The following FAM184A variants were observed in gnomAD, a reference collection of about 807,000 sequenced individuals.
The protein encoded by FAM184A is protein FAM184A.
In FAM184A, 99 loss-of-function variants were observed where a neutral mutation model predicts 143.8. That is an observed-to-expected ratio of 0.69 (90% CI 0.58 to 0.81). FAM184A has a LOEUF of 0.81. Ranked by LOEUF, FAM184A falls within the 40% of genes least tolerant of loss-of-function variation. FAM184A has a pLI of 0.00. For missense variants in FAM184A, 1,217 were observed against 1,310.5 expected, an observed-to-expected ratio of 0.93 and a Z score of 1.10; for synonymous variants, 427 against 446.4, an observed-to-expected ratio of 0.96 and a Z score of 0.55.
chr6:119,000,214 G>C (rs954494528), intron 9 of FAM184A, among the ~76,000 whole-genome samples: 1 of 152,200 alleles, frequency 6.6e-6, no homozygotes, highest in Non-Finnish European at 1.5e-5. Flanking sequence ...AGGAACAAGT[G>C]ATGGCATTTT....
intron 14 of FAM184A, among the ~76,000 whole-genome samples, chr6:118,968,845 C>T (rs995577773): frequency 6.6e-6 from 1 of 151,880 alleles, no homozygotes; most frequent in African/African-American, 2.4e-5. Flanking sequence ...TAATAAAGGT[C>T]TATCCCTGAA....
At chr6:119,130,949 C>T (rs751207392) in intron 1 of FAM184A, among the ~76,000 whole-genome samples, 2 of 151,106 alleles carry the variant, frequency 1.3e-5, no homozygotes, top group African/African-American at 2.4e-5. Context: ...CTCTGCCTCC[C>T]GGGTTCAAAC....
In FAM184A at chr6:119,035,396, G is replaced by A. The variant is rs148066171; in HGVS notation, c.160-10583C>T. Among the ~76,000 whole-genome samples, 782 of 152,280 alleles carry A rather than the reference G, an allele frequency of 5.1e-3. 6 individuals are homozygous for A. The highest frequency in any genetic ancestry group is 0.018 in the African/African-American group (755 of 41,538). On this transcript the variant is annotated intron_variant, in intron 1 of 17. Coordinates refer to ENST00000338891, the MANE Select transcript of FAM184A (RefSeq NM_024581.6). ...TTAAGACTGATGAACCAGACTTTTTGTAGCAATAAGACACCAAATTCCAGC... is the reference window on the plus strand; with the variant it reads ...TTAAGACTGATGAACCAGACTTTTTATAGCAATAAGACACCAAATTCCAGC...
chr6:118,995,942 T>C (rs1784530705), intron 9 of FAM184A, among the ~76,000 whole-genome samples: 1 of 152,216 alleles, frequency 6.6e-6, no homozygotes, highest in South Asian at 2.1e-4. Context: ...GTTACTACAG[T>C]ACTTCATAGA....
chr6:119,009,767 T>C (rs1785034555), intron 6 of FAM184A, among the ~76,000 whole-genome samples: 1 of 152,224 alleles, frequency 6.6e-6, no homozygotes, highest in African/African-American at 2.4e-5. Context: ...TGTGTCTGTC[T>C]GTCCATAGTA....
intron 1 of FAM184A, among the ~76,000 whole-genome samples, chr6:119,137,789 A>G (rs1305741882): frequency 6.6e-6 from 1 of 152,222 alleles, no homozygotes; most frequent in Non-Finnish European, 1.5e-5. Context: ...CCTCAGAGCC[A>G]AGGCCCTGTC....
intron 1 of FAM184A, among the ~76,000 whole-genome samples, chr6:119,122,439 G>A (rs1789241970): frequency 2.6e-5 from 4 of 152,128 alleles, no homozygotes; most frequent in African/African-American, 7.2e-5. Flanking sequence ...CTGACAGTCT[G>A]GGAAGCATAG....
intron 1 of FAM184A, among the ~76,000 whole-genome samples, chr6:119,128,839 G>T (rs1457037726): frequency 7.2e-5 from 11 of 152,004 alleles, no homozygotes; most frequent in Non-Finnish European, 5.9e-5. Flanking sequence ...GTGGATGGGG[G>T]AGGGGCCCTG....
At chr6:119,011,770 G>A (rs933067514) in intron 5 of FAM184A, among the ~76,000 whole-genome samples, 1 of 152,072 alleles carries the variant, frequency 6.6e-6, no homozygotes, top group African/African-American at 2.4e-5. Flanking sequence ...TTTTATGTTT[G>A]CATAAAAAAT....
At chr6:119,103,325 T>C (rs1418365047) in intron 1 of FAM184A, among the ~76,000 whole-genome samples, 4 of 152,156 alleles carry the variant, frequency 2.6e-5, no homozygotes. Context: ...CCCAAATCTA[T>C]TTACTGACTA....
intron 17 of FAM184A, 138 bp from the exon 18 acceptor site, chr6:118,960,322 C>T (rs2114523880): frequency 1.6e-6 from 1 of 636,742 alleles, no homozygotes; most frequent in East Asian, 2.8e-5. Context: ...GATTTGCTAC[C>T]CCCTCTATAC....
intron 1 of FAM184A, among the ~76,000 whole-genome samples, chr6:119,131,004 G>A (rs1789521260): frequency 2.0e-5 from 3 of 151,770 alleles, no homozygotes; most frequent in African/African-American, 4.8e-5. Flanking sequence ...GATTACAGGC[G>A]CCTGCCACCA....
chr6:119,011,577 C>T (rs899364782), intron 5 of FAM184A, 146 bp from the exon 6 acceptor site: 12 of 557,642 alleles, frequency 2.2e-5, no homozygotes, highest in Admixed American at 3.7e-5. Flanking sequence ...TCTGAATTAA[C>T]AGTGACACCC....
intron 1 of FAM184A, among the ~76,000 whole-genome samples, chr6:119,098,604 T>C (rs9401122): frequency 0.56 from 85,181 of 152,102 alleles, 24,290 homozygotes; most frequent in East Asian, 0.73. Context: ...AATTTTTTTA[T>C]TTGGAATTGG....
intron 1 of FAM184A, among the ~76,000 whole-genome samples, chr6:119,088,436 G>A (rs555230164): frequency 4.5e-4 from 69 of 152,232 alleles, no homozygotes; most frequent in Non-Finnish European, 1.6e-4. Flanking sequence ...AGCTAAAGAG[G>A]ACGTCTAAAT....
Position 119,096,514 on chromosome 6 carries a change from T to C in FAM184A, c.-202+52564A>G, listed in dbSNP as rs1582612166. The stretch of plus-strand genomic sequence containing the variant: ...AGCCGGGCGCGGTGGCGGGCGCCTG[T>C]AGTCCCAGCTACTCGGGAGGCTGAG... On this transcript the variant is annotated intron_variant, in intron 1 of 16. Transcript: ENST00000352896. 2.4e-5 allele frequency among the ~76,000 whole-genome samples: 2 copies of C among 85,098 alleles called. 1 individual carries two copies. Among genetic ancestry groups the C allele is most frequent in the East Asian group, 1.1e-3 (2 of 1,784 alleles). The allele number at this position is 85,098 out of a possible 152,430, so 55.8% of individuals were successfully genotyped here.
chr6:119,109,615 G>A (rs1788878102), intron 1 of FAM184A, among the ~76,000 whole-genome samples: 1 of 152,144 alleles, frequency 6.6e-6, no homozygotes, highest in South Asian at 2.1e-4. Flanking sequence ...TGACCTTGTG[G>A]CATTTCACAA....
chr6:119,018,853 A>G (rs921236840), intron 4 of FAM184A, among the ~76,000 whole-genome samples: 5 of 152,044 alleles, frequency 3.3e-5, no homozygotes, highest in Admixed American at 2.6e-4. Flanking sequence ...AGAAAACAGT[A>G]ATCAAGAATG....
rs1370151702 is a variant in FAM184A, at chr6:118,974,759, T to C, written c.2769-185A>G. On this transcript the variant is annotated intron_variant, in intron 13 of 17. Coordinates refer to ENST00000338891, the MANE Select transcript of FAM184A (RefSeq NM_024581.6). ...GCTTTGTTAAAGTTGTCTCCTTTAA[T>C]GCTTTTTCAAATAACATTTTAAAAA... 2.6e-5 allele frequency among the ~76,000 whole-genome samples: 4 copies of C among 152,212 alleles called. No homozygotes were observed. In the South Asian group the frequency reaches 8.3e-4, roughly 32 times the overall value.
Sources: allele counts gnomAD v4.1 joint callset (sites outside exome capture counted in the v4.1 genomes callset), GRCh38; gene constraint gnomAD v4.1.1; transcripts MANE v1.5; gene names NCBI Gene and HGNC (gene_info 2026-07-23, HGNC 2026-07-21).